Variants in NRXN3 observed in about 807,000 individuals in gnomAD.
NRXN3 encodes the protein neurexin 3, also known as neurexin III.
NRXN3 carries 32 observed loss-of-function variants against 137.6 expected under a neutral mutation model. The observed-to-expected ratio is 0.23, with a 90% CI of 0.18 to 0.31. The LOEUF is 0.31. Ranked by LOEUF, NRXN3 falls within the 10% of genes least tolerant of loss-of-function variation. The probability of loss-of-function intolerance (pLI) is 1.00; values close to 1 mark genes in which losing one functional copy is unlikely to be tolerated. For synonymous variants in NRXN3, 798 were observed against 784.5 expected (o/e 1.02, Z -0.29); for missense variants, 1,574 against 2,062.5 (o/e 0.76, Z 4.59).
At chr14:78,930,934 T>C (rs937493309) in intron 10 of NRXN3, among the ~76,000 whole-genome samples, 1 of 152,186 alleles carries the variant, frequency 6.6e-6, no homozygotes, top group Admixed American at 6.5e-5. Flanking sequence ...CAGGAAATGG[T>C]ATGAAACTGA....
In NRXN3 at chr14:79,862,995, G is replaced by A. The variant is rs2099415742; in HGVS notation, c.*1031G>A. On this transcript the variant is annotated 3_prime_UTR_variant, in exon 21 of 21. Coordinates refer to ENST00000335750, the MANE Select transcript of NRXN3 (RefSeq NM_001330195.2). ...GGAAGGGGAGGTGGGCTGGATCTGT[G>A]ACTGATTGAAATGCATGCAAATAAA... 1 of 152,562 alleles carries A rather than the reference G, an allele frequency of 6.6e-6. No individual in the cohort carries two copies. The highest frequency in any genetic ancestry group is 1.5e-5 in the Non-Finnish European group (1 of 68,022). 9.5% of individuals were successfully genotyped at this position (152,562 alleles called of 1,614,324 possible). A position where few individuals can be genotyped will look rare whatever the true frequency, so the allele number is the denominator to read the frequency against.
At chr14:78,619,814 G>C (rs2097382067) in intron 4 of NRXN3, among the ~76,000 whole-genome samples, 1 of 152,110 alleles carries the variant, frequency 6.6e-6, no homozygotes, top group East Asian at 1.9e-4. Flanking sequence ...GCCTCAGGTA[G>C]TTCTTTACAG....
At chr14:79,426,129 T>C (rs2095651679) in intron 15 of NRXN3, among the ~76,000 whole-genome samples, 1 of 152,138 alleles carries the variant, frequency 6.6e-6, no homozygotes, top group Admixed American at 6.5e-5. Context: ...TTAACCAGTG[T>C]CTACATCTGT....
intron 16 of NRXN3, among the ~76,000 whole-genome samples, chr14:79,509,358 G>A (rs1295273444): frequency 6.6e-6 from 1 of 151,904 alleles, no homozygotes; most frequent in African/African-American, 2.4e-5. Flanking sequence ...ATACACACAC[G>A]CAAAAATATT....
At chr14:79,138,281 G>A (rs1409580161) in intron 15 of NRXN3, among the ~76,000 whole-genome samples, 1 of 152,126 alleles carries the variant, frequency 6.6e-6, no homozygotes, top group African/African-American at 2.4e-5. Flanking sequence ...ATCCTCCTGA[G>A]TAGCTGGGAC....
intron 1 of NRXN3, among the ~76,000 whole-genome samples, chr14:78,240,344 G>A (rs1331986084): frequency 6.6e-6 from 1 of 152,158 alleles, no homozygotes; most frequent in Non-Finnish European, 1.5e-5. Context: ...CCTGGGAGTG[G>A]CCAACCAGGA....
chr14:78,847,215 T>C (rs1460211370), intron 10 of NRXN3, among the ~76,000 whole-genome samples: 5 of 152,122 alleles, frequency 3.3e-5, no homozygotes, highest in Non-Finnish European at 5.9e-5. Flanking sequence ...ACAACACATT[T>C]ACGGTTAATG....
chr14:78,801,532 C>T (rs558093349), intron 8 of NRXN3, among the ~76,000 whole-genome samples: 126 of 152,202 alleles, frequency 8.3e-4, no homozygotes, highest in Middle Eastern at 3.4e-3. Flanking sequence ...AGTGTGAGAA[C>T]TCATGAGAAC....
intron 15 of NRXN3, among the ~76,000 whole-genome samples, chr14:79,180,362 G>A (rs2062793709): frequency 6.6e-6 from 1 of 152,056 alleles, no homozygotes; most frequent in Admixed American, 6.6e-5. Context: ...GAAATAAATG[G>A]ACTCATTCCC....
chr14:79,801,673 T>C (rs2099181590), intron 19 of NRXN3, among the ~76,000 whole-genome samples: 1 of 152,156 alleles, frequency 6.6e-6, no homozygotes, highest in African/African-American at 2.4e-5. Flanking sequence ...CCCTTCAAAC[T>C]CCTTTGAGTC....
chr14:78,416,133 A>G (rs1433252095), intron 4 of NRXN3, among the ~76,000 whole-genome samples: 2 of 152,164 alleles, frequency 1.3e-5, no homozygotes, highest in African/African-American at 4.8e-5. Context: ...ATGTACTTGA[A>G]GGGGAGGAGT....
At chr14:79,845,343 C>T (rs2099364865) in intron 20 of NRXN3, among the ~76,000 whole-genome samples, 3 of 152,210 alleles carry the variant, frequency 2.0e-5, no homozygotes, top group Non-Finnish European at 4.4e-5. Flanking sequence ...ACTGTTTGGC[C>T]CAAAAGGCCT....
chr14:79,702,926 G>GA (rs35832451), intron 19 of NRXN3, among the ~76,000 whole-genome samples: 44,983 of 129,136 alleles, frequency 0.35, 7,298 homozygotes, highest in East Asian at 0.52. Flanking sequence ...GTTATCAGCA[G>GA]AAAAAAAAAA....
At chr14:79,575,697 A>G (rs907405279) in intron 16 of NRXN3, among the ~76,000 whole-genome samples, 10 of 152,082 alleles carry the variant, frequency 6.6e-5, no homozygotes, top group African/African-American at 2.2e-4. Context: ...CCCAATTTCC[A>G]TCATTACCCC....
intron 10 of NRXN3, among the ~76,000 whole-genome samples, chr14:78,921,854 T>C (rs2099271717): frequency 6.6e-6 from 1 of 152,230 alleles, no homozygotes; most frequent in South Asian, 2.1e-4. Context: ...GTTCTTTGAA[T>C]TTTGCATTTA....
chr14:79,477,755 C>A (rs567878233), intron 16 of NRXN3, among the ~76,000 whole-genome samples: 1 of 152,034 alleles, frequency 6.6e-6, no homozygotes, highest in Admixed American at 6.6e-5. Context: ...TCTAGAGAAA[C>A]GTCTTTAAAG....
intron 8 of NRXN3, among the ~76,000 whole-genome samples, chr14:78,778,765 TTTCTTTC>T (rs2098756159): frequency 2.7e-5 from 1 of 36,586 alleles, no homozygotes; most frequent in Admixed American, 3.2e-4. Flanking sequence ...TTTCTCTTTC[TTTCTTTC>T]TTTCTTTCTT....
At chr14:78,454,077 C>T (rs2094619419) in intron 4 of NRXN3, among the ~76,000 whole-genome samples, 1 of 152,190 alleles carries the variant, frequency 6.6e-6, no homozygotes, top group African/African-American at 2.4e-5. Context: ...TTCCTTCTTT[C>T]AGTAAATATT....
intron 15 of NRXN3, among the ~76,000 whole-genome samples, chr14:79,116,584 G>T (rs771472817): frequency 6.6e-6 from 1 of 152,118 alleles, no homozygotes; most frequent in East Asian, 1.9e-4. Context: ...TAAAAACAAG[G>T]AATCCAGCCT....
Sources: gnomAD v4.1 joint callset for allele counts (sites outside exome capture counted in the v4.1 genomes callset) on GRCh38, gnomAD v4.1.1 for gene constraint, MANE v1.5 for transcripts, NCBI Gene and HGNC (gene_info 2026-07-23, HGNC 2026-07-21) for gene names.